The following KIF21B variants were observed in gnomAD, a reference collection of about 807,000 sequenced individuals.
KIF21B encodes kinesin-like protein KIF21B.
Under a neutral mutation model 192.9 loss-of-function variants are expected in KIF21B, and 85 were observed. The observed-to-expected ratio is 0.44, with a 90% CI of 0.37 to 0.53. The LOEUF (loss-of-function observed/expected upper bound fraction) is 0.53, where lower values mean the gene tolerates loss of function less well. Among genes scored for constraint, KIF21B ranks in the 20% least tolerant of loss-of-function variants. The probability of loss-of-function intolerance (pLI) is 0.00; values close to 1 mark genes in which losing one functional copy is unlikely to be tolerated. For missense variants in KIF21B, 1,716 were observed against 2,194.8 expected (o/e 0.78, Z 4.36); for synonymous variants, 832 against 884.6 (o/e 0.94, Z 1.05).
chr1:200,991,008 C>A lies in KIF21B; in HGVS notation c.2596G>T (p.Val866Phe), dbSNP rs1479866453. Residue 866 changes from valine to phenylalanine, a missense_variant, in exon 18 of 35, where the codon GTC becomes TTC. Transcript: ENST00000461742. ...SSEAESGARSVSSIVRQWNRK... is the reference protein window; with the variant it reads ...SSEAESGARSFSSIVRQWNRK... ...TTCCACTGGCGCACGATGCTGGAGA[C>A]AGAGCGGGCCCCTGATTCAGCCTCA... 1 of 1,614,078 alleles carries A rather than the reference C, an allele frequency of 6.2e-7. No individual in the cohort carries two copies. The highest frequency in any genetic ancestry group is 1.3e-5 in the African/African-American group (1 of 74,946).
intron 26 of KIF21B, among the ~76,000 whole-genome samples, chr1:200,985,862 G>C (rs1338780719): frequency 7.0e-5 from 9 of 128,534 alleles, no homozygotes; most frequent in African/African-American, 8.8e-5. Context: ...TTTTCTTTCT[G>C]AGACAGTGAG....
At chr1:201,011,645 G>A (rs972400462) in intron 1 of KIF21B, among the ~76,000 whole-genome samples, 3 of 152,212 alleles carry the variant, frequency 2.0e-5, no homozygotes, top group African/African-American at 7.2e-5. Context: ...ACCTGGCTCT[G>A]CCCCTGGGCT....
At chr1:201,004,652 G>T in intron 6 of KIF21B, 114 bp downstream of exon 6, 2 of 1,356,052 alleles carry the variant, frequency 1.5e-6, no homozygotes, top group Non-Finnish European at 2.1e-6. Flanking sequence ...AGAGTGAAGG[G>T]CTAATTGGCA....
chr1:201,009,422 T>C lies in KIF21B; in HGVS notation c.108A>G (p.Gly36=). 6.2e-7 allele frequency: 1 copy of C among 1,614,250 alleles called. No homozygotes were observed. The highest frequency in any genetic ancestry group is 1.1e-5 in the South Asian group (1 of 91,088). Residue 36 remains glycine (G), a synonymous_variant, in exon 2 of 35, where the codon GGA becomes GGG. Transcript: ENST00000461742. Reference sequence around the variant, plus strand: ...CCTTCCCCAGCAGGACCTGGGGCTCTCCCGGGGTAACAGAGGTACAGATGT... The same window carrying C: ...CCTTCCCCAGCAGGACCTGGGGCTCCCCCGGGGTAACAGAGGTACAGATGT... The part of the protein sequence containing the change: ...GCHICTSVTP[G]EPQVLLGKDK...
In KIF21B at chr1:201,000,078, C is replaced by T. The variant is rs1657379936; in HGVS notation, c.1686-114G>A. The T allele has an allele frequency of 4.3e-6, 4 of 938,366 alleles. No homozygotes were observed. Among genetic ancestry groups the T allele is most frequent in the Non-Finnish European group, 6.8e-6 (4 of 591,644 alleles). 58.1% of individuals were successfully genotyped at this position (938,366 alleles called of 1,614,324 possible). ...GGCTCTCACCAGAGGCCGGGGAGAG[C>T]ACTGGCTCCTACTCTGCAGAGAACC... On this transcript the variant is annotated intron_variant, in intron 11 of 34. Coordinates refer to ENST00000461742, the MANE Select transcript of KIF21B (RefSeq NM_001252102.2). The surrounding 1 kb of genome is among the most constrained non-coding windows in gnomAD (Gnocchi z 6.0).
At position 201,005,539 on chromosome 1, in the gene KIF21B, G is replaced by A; in HGVS notation, c.597+6C>T. 1 of 1,611,066 alleles carries A rather than the reference G, an allele frequency of 6.2e-7. No individual in the cohort carries two copies. Among genetic ancestry groups the A allele is most frequent in the South Asian group, 1.1e-5 (1 of 90,826 alleles). ...GACCTGCTCCAGACCTCCAGCAGAG[G>A]CTCACCTCCTCCTGGGAGTGGATGA... On this transcript the variant is annotated splice_donor_region_variant and intron_variant, in intron 4 of 34. Coordinates refer to ENST00000461742, the MANE Select transcript of KIF21B (RefSeq NM_001252102.2).
Position 201,017,782 on chromosome 1 carries a change from AG to A in KIF21B, c.41+5560del, listed in dbSNP as rs372932165. ...GACCAGCCCAGCCTTCATAAAGGAC[AG>A]GGGGCTTCACCTCAGGAAAGCAGAG... is the stretch of plus-strand genomic sequence containing the variant. On this transcript the variant is annotated intron_variant, in intron 1 of 34. Transcript: ENST00000461742. This position sits in a 1 kb window ranked among gnomAD's most constrained non-coding sequence, Gnocchi z 4.1. Among the ~76,000 whole-genome samples the A allele has an allele frequency of 1.3e-5, 2 of 152,208 alleles. No individual in the cohort carries two copies. The highest frequency in any genetic ancestry group is 4.8e-5 in the African/African-American group (2 of 41,458).
intron 21 of KIF21B, among the ~76,000 whole-genome samples, chr1:200,989,312 C>T (rs1235002894): frequency 6.6e-6 from 1 of 152,132 alleles, no homozygotes; most frequent in Non-Finnish European, 1.5e-5. Flanking sequence ...TCATAAAGTC[C>T]CCAGACACAA....
chr1:200,999,546 C>T lies in KIF21B; in HGVS notation c.1768-80G>A, dbSNP rs1657325535. The T allele has an allele frequency of 5.7e-6, 9 of 1,566,238 alleles. No individual in the cohort carries two copies. The South Asian group carries it at 8.5e-5, about 15-fold the overall frequency. The stretch of plus-strand genomic sequence containing the variant: ...GCAGAGGTGCATCCCGACACAATGC[C>T]TCAGGTGTGTCAGGAGGGTGGGGAT... On this transcript the variant is annotated intron_variant, in intron 12 of 34. Transcript: ENST00000461742. The surrounding 1 kb of genome is among the most constrained non-coding windows in gnomAD (Gnocchi z 4.7).
At position 201,002,212 on chromosome 1, in the gene KIF21B, G is replaced by A. The variant is rs773928737; in HGVS notation, c.1351C>T (p.Arg451Cys). The change falls in exon 9 of 35, where the codon CGC (arginine) becomes TGC (cysteine). Residue 451 changes from arginine to cysteine, a missense_variant. This residue lies in a region of KIF21B where 1,087 missense variants were observed against 1,316.6 expected (regional missense o/e 0.83). Transcript: ENST00000461742. ...TCCTGGCTCATGAGCTGGGTGACGCGGTTGTTGATGGCATCGATGGCCTCC... is the reference window on the plus strand; with the variant it reads ...TCCTGGCTCATGAGCTGGGTGACGCAGTTGTTGATGGCATCGATGGCCTCC... The part of the protein sequence containing the change: ...MQEAIDAINN[R>C]VTQLMSQEAN... The A allele has an allele frequency of 6.8e-6, 11 of 1,614,062 alleles. No individual in the cohort carries two copies. Among genetic ancestry groups the A allele is most frequent in the East Asian group, 2.2e-5 (1 of 44,896 alleles).
At chr1:200,980,241 A>AAT (rs1403242267) in intron 29 of KIF21B, among the ~76,000 whole-genome samples, 2 of 152,170 alleles carry the variant, frequency 1.3e-5, no homozygotes, top group Admixed American at 6.5e-5. Flanking sequence ...AATGAATGAA[A>AAT]GAGTAAATAA....
At position 200,977,252 on chromosome 1, in the gene KIF21B, C is replaced by T. The variant is rs375949029; in HGVS notation, c.4285G>A (p.Ala1429Thr). The T allele has an allele frequency of 3.5e-5, 57 of 1,613,916 alleles. No individual in the cohort carries two copies. The highest frequency in any genetic ancestry group is 3.3e-4 in the Middle Eastern group (2 of 6,060). ...ATGCGGACGGCATTGCCCGAGGCGG[C>T]GTACAGCATGGTGCCCGAAGGGCTG... ...ALSPSGTMLYAASGNAVRIWE... is the reference protein window; with the variant it reads ...ALSPSGTMLYTASGNAVRIWE... The change falls in exon 31 of 35, where the codon GCC (alanine) becomes ACC (threonine). Residue 1429 changes from alanine (A) to threonine (T), a missense_variant. Physicochemically the swap from Ala to Thr is moderately conservative, Grantham distance 58. This residue lies in a region of KIF21B where 580 missense variants were observed against 775.5 expected (regional missense o/e 0.75). Transcript: ENST00000461742.
rs1171634859 is a variant in KIF21B at position 200,990,582 on chromosome 1, G to T, written c.2829C>A (p.Leu943=). ...IVNLEADMER[L]IKKREELFLL... ...AGGGGGAGGCAGGGCTCACCTTGAT[G>T]AGCCGCTCCATGTCAGCCTCCAGGT... is the stretch of plus-strand genomic sequence containing the variant. The change falls in exon 19 of 35, where the codon CTC becomes CTA. Residue 943 remains leucine, a synonymous_variant. Coordinates refer to ENST00000461742, the MANE Select transcript of KIF21B (RefSeq NM_001252102.2). This position sits in a 1 kb window ranked among gnomAD's most constrained non-coding sequence, Gnocchi z 5.4. The T allele has an allele frequency of 6.2e-7, 1 of 1,613,898 alleles. No individual in the cohort carries two copies. The highest frequency in any genetic ancestry group is 1.1e-5 in the South Asian group (1 of 91,064).
rs761911558 is a variant in KIF21B, at chr1:200,990,603, CA to C, written c.2807del (p.Leu936ArgfsTer99). On this transcript the variant is annotated frameshift_variant, in exon 19 of 35. Coordinates refer to ENST00000461742, the MANE Select transcript of KIF21B (RefSeq NM_001252102.2). LOFTEE classifies it high-confidence loss of function. The surrounding 1 kb of genome is among the most constrained non-coding windows in gnomAD (Gnocchi z 5.4). ...IVMQRMTIVNLEADMERLIKK... is the reference protein window; with the variant it reads ...IVMQRMTIVNXEADMERLIKK... ...TGATGAGCCGCTCCATGTCAGCCTC[CA>C]GGTTGACAATGGTCATTCTCTGCAT... The C allele has an allele frequency of 1.9e-6, 3 of 1,614,106 alleles. No homozygotes were observed. The African/African-American group carries it at 4.0e-5, about 22-fold the overall frequency.
intron 34 of KIF21B, 26 bp from the exon 35 acceptor site, chr1:200,973,604 G>A (rs1042616766): frequency 2.7e-5 from 41 of 1,524,228 alleles, no homozygotes; most frequent in Non-Finnish European, 3.4e-5. Context: ...AAGTGGAGGG[G>A]TGCCGGTCAG....
intron 3 of KIF21B, among the ~76,000 whole-genome samples, chr1:201,006,962 A>ACG (rs139591398): frequency 0.018 from 2,173 of 119,218 alleles, 118 homozygotes; most frequent in African/African-American, 0.073. Context: ...ACACACACAC[A>ACG]CAGACACCCA....
intron 1 of KIF21B, among the ~76,000 whole-genome samples, chr1:201,013,207 G>A (rs1227669651): frequency 6.6e-6 from 1 of 152,210 alleles, no homozygotes; most frequent in Non-Finnish European, 1.5e-5. Context: ...TGGGAGACAT[G>A]AGACCAGGGT....
chr1:200,991,076 A>G lies in KIF21B; in HGVS notation c.2528T>C (p.Met843Thr), dbSNP rs141958232. ...CGACACCTCAGCCCCAGAGTCCAGC[A>G]TGGGTGGCTTTAGTCCTGCACGCCC... is the stretch of plus-strand genomic sequence containing the variant. ...VAGRAGLKPP[M>T]LDSGAEVSAS... Residue 843 changes from methionine (M) to threonine (T), a missense_variant, in exon 18 of 35, where the codon ATG becomes ACG. This residue lies in a region of KIF21B where 1,087 missense variants were observed against 1,316.6 expected (regional missense o/e 0.83). Coordinates refer to ENST00000461742, the MANE Select transcript of KIF21B (RefSeq NM_001252102.2). The G allele has an allele frequency of 1.8e-4, 287 of 1,614,000 alleles. No individual in the cohort carries two copies. The highest frequency in any genetic ancestry group is 2.2e-4 in the Non-Finnish European group (260 of 1,180,046).
intron 32 of KIF21B, 50 bp downstream of exon 32, chr1:200,976,726 T>G: frequency 8.3e-7 from 1 of 1,202,486 alleles, no homozygotes; most frequent in Non-Finnish European, 1.2e-6. Context: ...AGGGCAAAGA[T>G]TGGGGAGAGT....
Sources: gnomAD v4.1 joint callset for allele counts (sites outside exome capture counted in the v4.1 genomes callset) on GRCh38, gnomAD v4.1.1 for gene constraint, gnomAD v4.1.1 regional missense constraint, Gnocchi (gnomAD v3.1) non-coding constraint, MANE v1.5 for transcripts, NCBI Gene and HGNC (gene_info 2026-07-23, HGNC 2026-07-21) for gene names.